Variants in DNM3 observed in about 807,000 individuals in gnomAD.
DNM3 encodes dynamin-3.
In DNM3, 47 loss-of-function variants were observed where a neutral mutation model predicts 101.6. The ratio of observed to expected loss-of-function variants is 0.46; its 90% confidence interval spans 0.37 to 0.59. DNM3 has a LOEUF of 0.59. Among genes scored for constraint, DNM3 ranks in the 20% least tolerant of loss-of-function variants. The pLI, the probability that DNM3 is intolerant of heterozygous loss-of-function variation, is 0.00. For synonymous variants in DNM3, 385 were observed against 387.9 expected, an observed-to-expected ratio of 0.99 and a Z score of 0.09; for missense variants, 849 against 1,085.7, an observed-to-expected ratio of 0.78 and a Z score of 3.06.
At chr1:171,906,413 C>T (rs1348105723) in intron 1 of DNM3, among the ~76,000 whole-genome samples, 3 of 152,032 alleles carry the variant, frequency 2.0e-5, no homozygotes, top group Non-Finnish European at 4.4e-5. Flanking sequence ...TAGGTGTGAG[C>T]CACCACGCCC....
intron 1 of DNM3, among the ~76,000 whole-genome samples, chr1:171,861,738 G>A (rs1180413578): frequency 6.6e-6 from 1 of 152,080 alleles, no homozygotes; most frequent in Non-Finnish European, 1.5e-5. Context: ...AATAGTTAAA[G>A]TGAACAACAT....
intron 10 of DNM3, among the ~76,000 whole-genome samples, chr1:172,055,707 G>A (rs912852114): frequency 4.6e-5 from 7 of 152,078 alleles, no homozygotes; most frequent in South Asian, 2.1e-4. Context: ...AGCAGGTGAC[G>A]GTCAGTTTGG....
chr1:172,273,814 G>T (rs770083271), intron 15 of DNM3, among the ~76,000 whole-genome samples: 16 of 152,036 alleles, frequency 1.1e-4, no homozygotes, highest in Non-Finnish European at 1.9e-4. Context: ...CATCTGAAAG[G>T]ATCTTGGGGA....
intron 2 of DNM3, among the ~76,000 whole-genome samples, chr1:171,932,828 A>G (rs2125374643): frequency 6.6e-6 from 1 of 152,312 alleles, no homozygotes. Context: ...GGCTGAGAAA[A>G]GAGACATTGA....
chr1:172,173,788 T>C (rs1191746683), intron 14 of DNM3, among the ~76,000 whole-genome samples: 1 of 151,810 alleles, frequency 6.6e-6, no homozygotes, highest in Non-Finnish European at 1.5e-5. Flanking sequence ...CTTTCAAGGA[T>C]TTAATATTCA....
chr1:172,296,456 AG>A (rs1453409951), intron 15 of DNM3, among the ~76,000 whole-genome samples: 2 of 152,196 alleles, frequency 1.3e-5, no homozygotes, highest in African/African-American at 4.8e-5. Flanking sequence ...CAGCCACCTC[AG>A]TGTCATTCGA....
chr1:171,842,448 TCTC>T (rs1253796962), intron 1 of DNM3, among the ~76,000 whole-genome samples: 33 of 152,180 alleles, frequency 2.2e-4, no homozygotes, highest in Admixed American at 1.7e-3. Flanking sequence ...TCCCCACCAT[TCTC>T]CTCCCGGAGA....
At chr1:172,007,651 TA>T (rs2046786887) in intron 4 of DNM3, among the ~76,000 whole-genome samples, 1 of 152,132 alleles carries the variant, frequency 6.6e-6, no homozygotes, top group Non-Finnish European at 1.5e-5. Flanking sequence ...ATCAAGTTTT[TA>T]TATGGCTCTT....
At chr1:172,015,715 C>T (rs1405729962) in intron 4 of DNM3, among the ~76,000 whole-genome samples, 1 of 152,162 alleles carries the variant, frequency 6.6e-6, no homozygotes, top group Non-Finnish European at 1.5e-5. Flanking sequence ...CATCTGTGAG[C>T]AAAGACACTT....
At chr1:172,219,657 T>C (rs572945920) in intron 14 of DNM3, among the ~76,000 whole-genome samples, 1 of 152,180 alleles carries the variant, frequency 6.6e-6, no homozygotes, top group South Asian at 2.1e-4. Context: ...AAAGACTCAA[T>C]CTGAGAGGCG....
chr1:171,980,876 T>A (rs2044742574), intron 2 of DNM3, among the ~76,000 whole-genome samples: 1 of 151,408 alleles, frequency 6.6e-6, no homozygotes, highest in African/African-American at 2.4e-5. Context: ...ATTCAGGTGA[T>A]TCTCCTGCCT....
intron 14 of DNM3, among the ~76,000 whole-genome samples, chr1:172,161,203 A>G (rs1039751777): frequency 3.4e-5 from 5 of 148,914 alleles, no homozygotes; most frequent in African/African-American, 1.2e-4. Flanking sequence ...ATATATGTAT[A>G]TATTTTATAA....
At chr1:172,362,972 T>A (rs973514882) in intron 17 of DNM3, among the ~76,000 whole-genome samples, 7 of 151,540 alleles carry the variant, frequency 4.6e-5, no homozygotes, top group South Asian at 4.2e-4. Flanking sequence ...CCTCCTCACC[T>A]TTTTTTTAAC....
Position 172,048,713 on chromosome 1 carries a change from A to G in DNM3, c.1298A>G (p.Gln433Arg). The change falls in exon 10 of 21, where the codon CAA (glutamine) becomes CGA (arginine). Residue 433 changes from glutamine to arginine, a missense_variant. Gln to Arg is a conservative substitution (Grantham distance 43). Around this residue, in one of 5 missense-constraint regions of DNM3, gnomAD observed 193 missense variants for 238.4 expected, o/e 0.81. Coordinates refer to ENST00000627582, the MANE Select transcript of DNM3 (RefSeq NM_015569.5). ...TTGAAGAGTGTGGATCTGGTAATACAAGAATTAATCAACACTGTGAAGAAG... is the reference window on the plus strand; with the variant it reads ...TTGAAGAGTGTGGATCTGGTAATACGAGAATTAATCAACACTGTGAAGAAG... ...PSLKSVDLVI[Q>R]ELINTVKKCT... The G allele has an allele frequency of 6.2e-7, 1 of 1,612,778 alleles. No homozygotes were observed. The highest frequency in any genetic ancestry group is 1.3e-5 in the African/African-American group (1 of 74,786).
intron 2 of DNM3, among the ~76,000 whole-genome samples, chr1:171,969,727 T>G (rs2043851662): frequency 6.6e-6 from 1 of 152,184 alleles, no homozygotes; most frequent in Non-Finnish European, 1.5e-5. Flanking sequence ...TTGGGGCTGC[T>G]TCTTTAGTTC....
chr1:172,257,650 T>C (rs2062460549), intron 15 of DNM3, among the ~76,000 whole-genome samples: 1 of 152,138 alleles, frequency 6.6e-6, no homozygotes, highest in South Asian at 2.1e-4. Context: ...GCATATGTAA[T>C]TATCAAATCA....
chr1:172,389,422 G>A (rs1412324740), intron 20 of DNM3, among the ~76,000 whole-genome samples: 1 of 151,454 alleles, frequency 6.6e-6, no homozygotes, highest in Admixed American at 6.6e-5. Flanking sequence ...AATAATACGT[G>A]TTGACAATTA....
chr1:171,906,207 G>A (rs554991178), intron 1 of DNM3, among the ~76,000 whole-genome samples: 10 of 150,144 alleles, frequency 6.7e-5, no homozygotes, highest in African/African-American at 1.7e-4. Flanking sequence ...GGCTCATTGC[G>A]GCCTCGACTT....
At chr1:172,407,740 G>A (rs755135382) in intron 20 of DNM3, 32 bp from the exon 21 acceptor site, 1 of 1,604,610 alleles carries the variant, frequency 6.2e-7, no homozygotes, top group Admixed American at 1.7e-5. Flanking sequence ...TATTCTACTT[G>A]TTTCTTTACC....
Sources: allele counts gnomAD v4.1 joint callset (sites outside exome capture counted in the v4.1 genomes callset), GRCh38; gene constraint gnomAD v4.1.1; regional missense constraint gnomAD v4.1.1; transcripts MANE v1.5; gene names NCBI Gene and HGNC (gene_info 2026-07-23, HGNC 2026-07-21).